Variants in ZMYM5 observed in about 807,000 individuals in gnomAD.
The protein encoded by ZMYM5 is zinc finger MYM-type protein 5.
In ZMYM5, 41 loss-of-function variants were observed where a neutral mutation model predicts 61.8. The ratio of observed to expected loss-of-function variants is 0.66; its 90% CI spans 0.52 to 0.86. The LOEUF (loss-of-function observed/expected upper bound fraction) is 0.86. ZMYM5 is among the 40% of genes least tolerant of loss of function. The probability of loss-of-function intolerance (pLI) is 0.00; values close to 1 mark genes in which losing one functional copy is unlikely to be tolerated. For missense variants in ZMYM5, 706 were observed against 786.7 expected, an observed-to-expected ratio of 0.90 and a Z score of 1.23; for synonymous variants, 257 against 276.4, an observed-to-expected ratio of 0.93 and a Z score of 0.70.
At position 19,835,568 on chromosome 13, in the gene ZMYM5, A is replaced by G; in HGVS notation, c.1160T>C (p.Met387Thr). 7.3e-7 allele frequency: 1 copy of G among 1,367,710 alleles called. No homozygotes were observed. 84.7% of individuals were successfully genotyped at this position (1,367,710 alleles called of 1,614,324 possible). ...GTTGTTTCCAGTACTCTTACTAGGC[A>G]TGTACTCTCCACAGTGTTCACAGCA... The part of the protein sequence containing the change: ...MNCCEHCGEY[M>T]PSKSTGNNIL... The change falls in exon 7 of 8, where the codon ATG becomes ACG. Residue 387 changes from methionine (M) to threonine (T), a missense_variant. Coordinates refer to ENST00000337963, the MANE Select transcript of ZMYM5 (RefSeq NM_001142684.2).
chr13:19,849,705 C>A (rs1051256254), intron 4 of ZMYM5, among the ~76,000 whole-genome samples: 1 of 152,030 alleles, frequency 6.6e-6, no homozygotes, highest in Non-Finnish European at 1.5e-5. Flanking sequence ...GTTGGCCGGG[C>A]GCGGTGGCTC....
At chr13:19,860,450 G>A (rs1345101578) in intron 2 of ZMYM5, among the ~76,000 whole-genome samples, 1 of 129,846 alleles carries the variant, frequency 7.7e-6, no homozygotes, top group Non-Finnish European at 1.7e-5. Context: ...GTGTGTGTAT[G>A]TGTGTGTGTG....
At chr13:19,857,111 GAAAACAAAAACA>G (rs1226414303) in intron 2 of ZMYM5, among the ~76,000 whole-genome samples, 3 of 152,086 alleles carry the variant, frequency 2.0e-5, no homozygotes, top group African/African-American at 7.2e-5. Context: ...GTCTCAAAAC[GAAAACAAAAACA>G]AAAACAAAAA....
At chr13:19,855,547 C>T (rs988081870) in intron 2 of ZMYM5, among the ~76,000 whole-genome samples, 4 of 151,480 alleles carry the variant, frequency 2.6e-5, no homozygotes, top group Admixed American at 6.6e-5. Flanking sequence ...CAGGCATGAG[C>T]CACCGCGCCC....
At chr13:19,860,430 T>C (rs867176110) in intron 2 of ZMYM5, among the ~76,000 whole-genome samples, 4 of 133,684 alleles carry the variant, frequency 3.0e-5, no homozygotes, top group African/African-American at 5.5e-5. Context: ...CCGGCTAATT[T>C]TGTGTGTGTG....
intron 4 of ZMYM5, among the ~76,000 whole-genome samples, chr13:19,850,895 G>A (rs1381673412): frequency 6.6e-6 from 1 of 152,132 alleles, no homozygotes; most frequent in Non-Finnish European, 1.5e-5. Context: ...GTTTTATTAA[G>A]TAAAATATTC....
intron 2 of ZMYM5, among the ~76,000 whole-genome samples, chr13:19,853,485 G>A (rs1953386862): frequency 6.6e-6 from 1 of 152,000 alleles, no homozygotes; most frequent in Non-Finnish European, 1.5e-5. Flanking sequence ...TAGATGTGAG[G>A]TCTCACTATG....
At position 19,824,823 on chromosome 13, in the gene ZMYM5, G is replaced by C; in HGVS notation, c.1664C>G (p.Thr555Arg). 1.5e-6 allele frequency: 2 copies of C among 1,351,336 alleles called. No homozygotes were observed. Among genetic ancestry groups the C allele is most frequent in the Non-Finnish European group, 2.0e-6 (2 of 1,012,614 alleles). 83.7% of individuals were successfully genotyped at this position (1,351,336 alleles called of 1,614,324 possible). A position where few individuals can be genotyped will look rare whatever the true frequency, so the allele number is the denominator to read the frequency against. Residue 555 changes from threonine (T) to arginine (R), a missense_variant, in exon 8 of 8, where the codon ACA becomes AGA. This residue lies in a region of ZMYM5 where 226 missense variants were observed against 325.0 expected (regional missense o/e 0.70). Coordinates refer to ENST00000337963, the MANE Select transcript of ZMYM5 (RefSeq NM_001142684.2). ...VRNFNFPKDN[T>R]GRKFSETYYT... ...ATAAGTTTCTGAAAACTTCCTCCCT[G>C]TATTATCTTTTGGAAAGTTAAAATT...
intron 7 of ZMYM5, 151 bp downstream of exon 7, chr13:19,835,326 A>T (rs1952641455): frequency 1.9e-6 from 1 of 537,000 alleles, no homozygotes; most frequent in African/African-American, 2.0e-5. Flanking sequence ...GCTTACAACA[A>T]TCTTAGACTT....
At chr13:19,850,246 T>C (rs933766092) in intron 4 of ZMYM5, among the ~76,000 whole-genome samples, 1 of 152,136 alleles carries the variant, frequency 6.6e-6, no homozygotes, top group African/African-American at 2.4e-5. Flanking sequence ...GTTCCTTGAT[T>C]TAAAGGCAAG....
At chr13:19,830,077 G>C (rs1166337573) in intron 7 of ZMYM5, among the ~76,000 whole-genome samples, 3 of 152,278 alleles carry the variant, frequency 2.0e-5, no homozygotes, top group African/African-American at 7.2e-5. Flanking sequence ...CCTCAGGTGT[G>C]AGTCACAGAT....
At chr13:19,825,978 G>A (rs752473453) in intron 7 of ZMYM5, among the ~76,000 whole-genome samples, 13 of 151,022 alleles carry the variant, frequency 8.6e-5, no homozygotes, top group South Asian at 2.1e-4. Context: ...CCCTGGAGTC[G>A]GAGGTGGCAG....
intron 4 of ZMYM5, among the ~76,000 whole-genome samples, chr13:19,846,247 A>G (rs1192553452): frequency 1.3e-5 from 2 of 152,230 alleles, no homozygotes; most frequent in Non-Finnish European, 2.9e-5. Flanking sequence ...TAGTATGCAT[A>G]AAGTATTTGT....
intron 7 of ZMYM5, among the ~76,000 whole-genome samples, chr13:19,831,467 C>T (rs943158031): frequency 6.6e-6 from 1 of 151,838 alleles, no homozygotes; most frequent in Non-Finnish European, 1.5e-5. Context: ...AGAATGAGCA[C>T]TTTATTCTAG....
At chr13:19,838,659 G>A (rs1272843064) in intron 5 of ZMYM5, 41 bp downstream of exon 5, 3 of 1,598,672 alleles carry the variant, frequency 1.9e-6, no homozygotes, top group Non-Finnish European at 1.7e-6. Flanking sequence ...TATACCATTA[G>A]TATTCAACTA....
intron 4 of ZMYM5, among the ~76,000 whole-genome samples, chr13:19,850,437 TAA>T (rs1241596233): frequency 1.3e-5 from 2 of 151,932 alleles, no homozygotes; most frequent in Non-Finnish European, 2.9e-5. Context: ...CTGTCTCTAC[TAA>T]AAAGACAAAA....
intron 4 of ZMYM5, among the ~76,000 whole-genome samples, chr13:19,844,269 C>T (rs1454985174): frequency 6.6e-6 from 1 of 152,046 alleles, no homozygotes; most frequent in Non-Finnish European, 1.5e-5. Context: ...GAGAATGTGC[C>T]ACTGCACTCC....
chr13:19,855,902 G>A (rs2138640119), intron 2 of ZMYM5, among the ~76,000 whole-genome samples: 1 of 152,050 alleles, frequency 6.6e-6, no homozygotes, highest in African/African-American at 2.4e-5. Flanking sequence ...TGTAATCCCA[G>A]CTACTCGGGA....
rs751436811 is a variant in ZMYM5, at chr13:19,824,522, T to C, written c.1965A>G (p.Leu655=). 3 of 1,322,888 alleles carry C rather than the reference T, an allele frequency of 2.3e-6. No homozygotes were observed. The highest frequency in any genetic ancestry group is 1.5e-5 in the African/African-American group (1 of 65,820). The allele number at this position is 1,322,888 out of a possible 1,614,324, so 81.9% of individuals were successfully genotyped here. A position where few individuals can be genotyped will look rare whatever the true frequency, so the allele number is the denominator to read the frequency against. The change falls in exon 8 of 8, where the codon TTA becomes TTG. Residue 655 remains leucine, a synonymous_variant. Coordinates refer to ENST00000337963, the MANE Select transcript of ZMYM5 (RefSeq NM_001142684.2). ...CACCATCATTTTTCTCATTTTCATA[T>C]AATCTGTGTTCTGCAGCATCAATAG... is the stretch of plus-strand genomic sequence containing the variant. ...NKAIDAAEHR[L]YENEKNDGVL...
Sources: gnomAD v4.1 joint callset for allele counts (sites outside exome capture counted in the v4.1 genomes callset) on GRCh38, gnomAD v4.1.1 for gene constraint, gnomAD v4.1.1 regional missense constraint, MANE v1.5 for transcripts, NCBI Gene and HGNC (gene_info 2026-07-23, HGNC 2026-07-21) for gene names.